The following DNAJC1 variants were observed in gnomAD, a reference collection of about 807,000 sequenced individuals.
DNAJC1 encodes DnaJ heat shock protein family (Hsp40) member C1.
DNAJC1 carries 58 observed loss-of-function variants against 76.6 expected under a neutral mutation model. That is an observed-to-expected ratio of 0.76 (90% CI 0.61 to 0.94). The LOEUF (loss-of-function observed/expected upper bound fraction) is 0.94, where lower values mean the gene tolerates loss of function less well. Ranked by LOEUF, DNAJC1 falls within the 40% of genes least tolerant of loss-of-function variation. The probability of loss-of-function intolerance (pLI) is 0.00; values close to 1 mark genes in which losing one functional copy is unlikely to be tolerated. For missense variants in DNAJC1, 689 were observed against 677.3 expected (o/e 1.02, Z -0.19); for synonymous variants, 258 against 267.9 (o/e 0.96, Z 0.36).
chr10:21,812,682 T>C (rs1834987575), intron 8 of DNAJC1, among the ~76,000 whole-genome samples: 1 of 152,114 alleles, frequency 6.6e-6, no homozygotes, highest in Non-Finnish European at 1.5e-5. Context: ...TCCTCCCGCC[T>C]TGGCCTCCGC....
At chr10:21,897,201 A>G (rs1836557338) in intron 7 of DNAJC1, among the ~76,000 whole-genome samples, 1 of 150,908 alleles carries the variant, frequency 6.6e-6, no homozygotes, top group South Asian at 2.1e-4. Flanking sequence ...ATTCTTTAAC[A>G]AAATAGTAGC....
In DNAJC1 at chr10:21,929,033, C is replaced by A; in HGVS notation, c.324+7G>T. 2 of 1,556,666 alleles carry A rather than the reference C, an allele frequency of 1.3e-6. No homozygotes were observed. Among genetic ancestry groups the A allele is most frequent in the Middle Eastern group, 1.7e-4 (1 of 5,932 alleles). ...AAAATATATATATAATAGCATATTT[C>A]ACTTACTTGTCTAAACTGAGTTTCT... On this transcript the variant is annotated splice_region_variant and intron_variant, in intron 2 of 11. Coordinates refer to ENST00000376980, the MANE Select transcript of DNAJC1 (RefSeq NM_022365.4).
chr10:21,839,240 T>C (rs1835528037), intron 8 of DNAJC1, among the ~76,000 whole-genome samples: 1 of 151,966 alleles, frequency 6.6e-6, no homozygotes, highest in South Asian at 2.1e-4. Flanking sequence ...AGGCAAGAAA[T>C]AGCTAAGATC....
Position 22,003,605 on chromosome 10 carries a change from A to G in DNAJC1, c.-171T>C, listed in dbSNP as rs2131859085. On this transcript the variant is annotated 5_prime_UTR_variant, in exon 1 of 12. Coordinates refer to ENST00000376980, the MANE Select transcript of DNAJC1 (RefSeq NM_022365.4). ...CCAGACAGAGCGCGGAGGCGGCGGGAGCCGGCTGCCGGACGGGCGGGTGGG... is the reference window on the plus strand; with the variant it reads ...CCAGACAGAGCGCGGAGGCGGCGGGGGCCGGCTGCCGGACGGGCGGGTGGG... The G allele has an allele frequency of 1.3e-6, 1 of 781,078 alleles. No homozygotes were observed. The highest frequency in any genetic ancestry group is 1.7e-6 in the Non-Finnish European group (1 of 575,796). The allele number at this position is 781,078 out of a possible 1,614,324, so 48.4% of individuals were successfully genotyped here.
intron 1 of DNAJC1, among the ~76,000 whole-genome samples, chr10:21,959,800 CA>C (rs199556961): frequency 4.2e-4 from 59 of 138,846 alleles, no homozygotes; most frequent in Non-Finnish European, 3.9e-4. Flanking sequence ...AAAACAAAAA[CA>C]AAAAAAAAAA....
In DNAJC1 at chr10:21,993,521, C is replaced by G. The variant is rs117772261; in HGVS notation, c.222+9692G>C. ...GTTTTCGTCTGTCTCATATTTTATT[C>G]TTACTTATGCCTACAGTTGTGAAAA... On this transcript the variant is annotated intron_variant, in intron 1 of 11. Coordinates refer to ENST00000376980, the MANE Select transcript of DNAJC1 (RefSeq NM_022365.4). Among the ~76,000 whole-genome samples the G allele has an allele frequency of 7.6e-3, 1,163 of 152,290 alleles. 19 individuals are homozygous for G. The highest frequency in any genetic ancestry group is 0.017 in the Middle Eastern group (5 of 294).
chr10:21,848,684 T>C (rs1048745654), intron 8 of DNAJC1, among the ~76,000 whole-genome samples: 4 of 152,210 alleles, frequency 2.6e-5, no homozygotes, highest in Non-Finnish European at 2.9e-5. Context: ...AGAATACACA[T>C]TCTTCTCCAG....
chr10:21,765,281 T>A (rs930459558), intron 10 of DNAJC1, among the ~76,000 whole-genome samples: 1 of 152,146 alleles, frequency 6.6e-6, no homozygotes, highest in African/African-American at 2.4e-5. Context: ...TTGCCCAGGC[T>A]GGTTTTGAAC....
chr10:21,996,320 G>A (rs772459338), intron 1 of DNAJC1, among the ~76,000 whole-genome samples: 1 of 152,174 alleles, frequency 6.6e-6, no homozygotes, highest in Non-Finnish European at 1.5e-5. Context: ...CACTGAGAGA[G>A]AGCATAACAA....
intron 8 of DNAJC1, among the ~76,000 whole-genome samples, chr10:21,835,011 G>A (rs1835426132): frequency 6.6e-6 from 1 of 152,226 alleles, no homozygotes; most frequent in Non-Finnish European, 1.5e-5. Flanking sequence ...TGAGATCTGA[G>A]AATGGGCAGA....
At chr10:21,937,368 G>C (rs966761104) in intron 1 of DNAJC1, among the ~76,000 whole-genome samples, 1 of 151,948 alleles carries the variant, frequency 6.6e-6, no homozygotes, top group Admixed American at 6.5e-5. Context: ...TGTTACAAAA[G>C]ACAAAGGACA....
intron 9 of DNAJC1, among the ~76,000 whole-genome samples, chr10:21,770,450 T>G (rs1211219110): frequency 1.4e-5 from 2 of 145,714 alleles, no homozygotes; most frequent in East Asian, 4.0e-4. Flanking sequence ...CAGGCTGGAG[T>G]GCAGTGGCAC....
chr10:21,997,258 C>T (rs780693249), intron 1 of DNAJC1, among the ~76,000 whole-genome samples: 4 of 152,056 alleles, frequency 2.6e-5, no homozygotes, highest in Non-Finnish European at 4.4e-5. Context: ...TTTTCCCATC[C>T]AAAAAACTGA....
intron 9 of DNAJC1, among the ~76,000 whole-genome samples, chr10:21,789,359 C>T: frequency 6.6e-6 from 1 of 152,116 alleles, no homozygotes; most frequent in East Asian, 1.9e-4. Context: ...ACTGTAAGAC[C>T]CAACTGCAGG....
chr10:21,933,820 T>G (rs1837266776), intron 1 of DNAJC1, among the ~76,000 whole-genome samples: 1 of 152,146 alleles, frequency 6.6e-6, no homozygotes, highest in African/African-American at 2.4e-5. Context: ...CACAGTGCAA[T>G]GTATCTATTC....
chr10:21,832,822 T>C (rs1835382460), intron 8 of DNAJC1, among the ~76,000 whole-genome samples: 1 of 152,232 alleles, frequency 6.6e-6, no homozygotes, highest in Non-Finnish European at 1.5e-5. Context: ...TTAAACACTC[T>C]AACCTCTCAT....
chr10:21,918,931 T>C, intron 5 of DNAJC1, 59 bp from the exon 6 acceptor site: 1 of 1,213,288 alleles, frequency 8.2e-7, no homozygotes, highest in Non-Finnish European at 1.2e-6. Flanking sequence ...CAGAGAAAGT[T>C]GGGAGGCAAA....
At chr10:21,832,154 A>T (rs77389501) in intron 8 of DNAJC1, among the ~76,000 whole-genome samples, 1 of 152,234 alleles carries the variant, frequency 6.6e-6, no homozygotes, top group African/African-American at 2.4e-5. Flanking sequence ...TCTAGATTTC[A>T]TAACTGCTGA....
intron 8 of DNAJC1, among the ~76,000 whole-genome samples, chr10:21,876,115 ATTT>A (rs774939480): frequency 1.4e-5 from 2 of 143,544 alleles, no homozygotes; most frequent in African/African-American, 2.5e-5. Flanking sequence ...AAAAACGTTA[ATTT>A]TTTTTTTTTT....
Sources: allele counts gnomAD v4.1 joint callset (sites outside exome capture counted in the v4.1 genomes callset), GRCh38; gene constraint gnomAD v4.1.1; transcripts MANE v1.5; gene names NCBI Gene and HGNC (gene_info 2026-07-23, HGNC 2026-07-21).